The following XKR5 variants were observed in gnomAD, a reference collection of about 807,000 sequenced individuals.
The protein encoded by XKR5 is XK related 5.
In XKR5, 46 loss-of-function variants were observed where a neutral mutation model predicts 40.8. The ratio of observed to expected loss-of-function variants is 1.13; its 90% confidence interval spans 0.89 to 1.44. XKR5 has a LOEUF of 1.44. XKR5 is among the 40% of genes most tolerant of loss of function. The probability of loss-of-function intolerance (pLI) is 0.00; values close to 1 mark genes in which losing one functional copy is unlikely to be tolerated. For missense variants in XKR5, 1,169 were observed against 844.7 expected (o/e 1.38, Z -4.76); for synonymous variants, 466 against 356.1 (o/e 1.31, Z -3.48).
At chr8:6,819,550 C>T (rs961274034) in intron 5 of XKR5, among the ~76,000 whole-genome samples, 9 of 152,278 alleles carry the variant, frequency 5.9e-5, no homozygotes, top group East Asian at 5.8e-4. Flanking sequence ...CTGAATGGCC[C>T]GTGCCACGGA....
At chr8:6,822,337 A>G (rs1164734347) in intron 4 of XKR5, among the ~76,000 whole-genome samples, 1 of 152,210 alleles carries the variant, frequency 6.6e-6, no homozygotes, top group Non-Finnish European at 1.5e-5. Flanking sequence ...TTTATTCCAG[A>G]AAGTGTTTAA....
chr8:6,835,495 T>C lies in XKR5; in HGVS notation c.-2A>G. ...GAGCCCCAGGAGCCTCGCGTGCATCTTCCGTGCCGACCCCGCAGCCTGCGC... is the reference window on the plus strand; with the variant it reads ...GAGCCCCAGGAGCCTCGCGTGCATCCTCCGTGCCGACCCCGCAGCCTGCGC... On this transcript the variant is annotated 5_prime_UTR_variant, in exon 1 of 7. Coordinates refer to ENST00000618742, the MANE Select transcript of XKR5 (RefSeq NM_207411.5). 6.7e-7 allele frequency: 1 copy of C among 1,499,188 alleles called. No individual in the cohort carries two copies. The highest frequency in any genetic ancestry group is 8.8e-7 in the Non-Finnish European group (1 of 1,130,904). 92.9% of individuals were successfully genotyped at this position (1,499,188 alleles called of 1,614,324 possible).
At chr8:6,834,156 C>A (rs545179647) in intron 1 of XKR5, among the ~76,000 whole-genome samples, 2 of 152,342 alleles carry the variant, frequency 1.3e-5, no homozygotes, top group African/African-American at 2.4e-5. Flanking sequence ...TGAGGCTGAT[C>A]TTGGAGGCGG....
In XKR5 at chr8:6,811,848, A is replaced by AG. The variant is rs1377988982; in HGVS notation, c.1410_1411insC (p.Phe471LeufsTer2). 1 of 1,537,570 alleles carries AG rather than the reference A, an allele frequency of 6.5e-7. No homozygotes were observed. The highest frequency in any genetic ancestry group is 8.7e-7 in the Non-Finnish European group (1 of 1,146,990). On this transcript the variant is annotated frameshift_variant, in exon 7 of 7. Coordinates refer to ENST00000618742, the MANE Select transcript of XKR5 (RefSeq NM_207411.5). LOFTEE classifies it low-confidence loss of function (END_TRUNC). ...GCCTCTGCTTTAGGGACACCTTCAA[A>AG]CGCAGAGCTGTTCTCTAAGGTTGAG... is the stretch of plus-strand genomic sequence containing the variant.
chr8:6,819,681 A>G (rs1804135308), intron 5 of XKR5, among the ~76,000 whole-genome samples: 1 of 152,124 alleles, frequency 6.6e-6, no homozygotes, highest in Non-Finnish European at 1.5e-5. Flanking sequence ...CTTCAGTTTC[A>G]TGGTTGCAGC....
chr8:6,834,122 T>C (rs960560294), intron 1 of XKR5, among the ~76,000 whole-genome samples: 3 of 152,166 alleles, frequency 2.0e-5, no homozygotes, highest in Middle Eastern at 3.2e-3. Context: ...CCAATACTCC[T>C]AGCACGGCCT....
At position 6,812,185 on chromosome 8, in the gene XKR5, G is replaced by A. The variant is rs954010654; in HGVS notation, c.1074C>T (p.Thr358=). 8.4e-6 allele frequency: 13 copies of A among 1,551,656 alleles called. No individual in the cohort carries two copies. The highest frequency in any genetic ancestry group is 1.7e-4 in the Middle Eastern group (1 of 6,016). The change falls in exon 7 of 7, where the codon ACC becomes ACT. Residue 358 remains threonine, a synonymous_variant. Transcript: ENST00000618742. Reference sequence around the variant, plus strand: ...CCCCTTGGCATGAGCCTGAGCTCTCGGTTCTCTTCCCAGCTAGATCTGTGG... The same window carrying A: ...CCCCTTGGCATGAGCCTGAGCTCTCAGTTCTCTTCCCAGCTAGATCTGTGG... ...PRATDLAGKR[T]ESSGSCQGAS... is the part of the protein sequence containing the mutation.
At position 6,825,761 on chromosome 8, in the gene XKR5, T is replaced by C. The variant is rs1300783275; in HGVS notation, c.243-412A>G. On this transcript the variant is annotated intron_variant, in intron 2 of 6. Transcript: ENST00000618742. The stretch of plus-strand genomic sequence containing the variant: ...TGTTGCAAGGTACTGTGTGTTATCA[T>C]CTCTTTGAAGGACAAAAAGTAGAAA... Among the ~76,000 whole-genome samples the C allele has an allele frequency of 2.0e-5, 3 of 152,112 alleles. No individual in the cohort carries two copies. In the East Asian group the frequency reaches 5.8e-4, roughly 29 times the overall value.
chr8:6,829,168 C>T (rs997317469), intron 2 of XKR5: 1 of 168,368 alleles, frequency 5.9e-6, no homozygotes, highest in Non-Finnish European at 1.5e-5. Flanking sequence ...GTCTTACATA[C>T]CTTTAGAGTT....
chr8:6,812,508 G>C (rs1300346181), intron 6 of XKR5, among the ~76,000 whole-genome samples, 169 bp from the exon 7 acceptor site: 1 of 152,224 alleles, frequency 6.6e-6, no homozygotes, highest in East Asian at 1.9e-4. Flanking sequence ...AATTTAAGTA[G>C]GTTCCAGCTT....
chr8:6,814,044 A>G (rs1054343694), intron 6 of XKR5, among the ~76,000 whole-genome samples: 12 of 152,184 alleles, frequency 7.9e-5, no homozygotes, highest in African/African-American at 1.9e-4. Context: ...CATTCCAAGT[A>G]TCACATGGCC....
At position 6,812,180 on chromosome 8, in the gene XKR5, C is replaced by G. The variant is rs1240732881; in HGVS notation, c.1079G>C (p.Ser360Thr). ...ATDLAGKRTE[S>T]SGSCQGASYE... ...ACTTGCCCCTTGGCATGAGCCTGAGCTCTCGGTTCTCTTCCCAGCTAGATC... is the reference window on the plus strand; with the variant it reads ...ACTTGCCCCTTGGCATGAGCCTGAGGTCTCGGTTCTCTTCCCAGCTAGATC... Residue 360 changes from serine (S) to threonine (T), a missense_variant, in exon 7 of 7, where the codon AGC (serine) becomes ACC (threonine). Physicochemically the swap from Ser to Thr is moderately conservative, Grantham distance 58. Transcript: ENST00000618742. 3 of 1,551,788 alleles carry G rather than the reference C, an allele frequency of 1.9e-6. No homozygotes were observed. The Admixed American group carries it at 5.9e-5, about 30-fold the overall frequency.
chr8:6,821,726 G>T, intron 5 of XKR5, 143 bp downstream of exon 5: 2 of 672,706 alleles, frequency 3.0e-6, no homozygotes, highest in African/African-American at 1.9e-5. Context: ...ATTTCTTTAA[G>T]AATTTTTCTT....
chr8:6,832,669 G>T, intron 2 of XKR5, 48 bp downstream of exon 2: 2 of 1,601,106 alleles, frequency 1.2e-6, no homozygotes, highest in South Asian at 2.2e-5. Context: ...TCCTCTCACT[G>T]CACTTGTGCA....
At position 6,823,631 on chromosome 8, in the gene XKR5, C is replaced by G. The variant is rs1271854859; in HGVS notation, c.527G>C (p.Trp176Ser). ...FMKPGHLAMP[W>S]AALFCQQLWR... ...GAGCTGCTGGCAGAAGAGGGCGGCC[C>G]ATGGCATGGCCAGGTGGCCTGGCTT... The change falls in exon 4 of 7, where the codon TGG becomes TCG. Residue 176 changes from tryptophan (W) to serine (S), a missense_variant. By Grantham distance (177) the Trp-to-Ser change is radical. Coordinates refer to ENST00000618742, the MANE Select transcript of XKR5 (RefSeq NM_207411.5). 2.5e-6 allele frequency: 4 copies of G among 1,593,576 alleles called. 1 individual carries two copies. The highest frequency in any genetic ancestry group is 2.7e-5 in the African/African-American group (2 of 74,646).
intron 2 of XKR5, among the ~76,000 whole-genome samples, chr8:6,829,999 G>A (rs995421073): frequency 8.6e-5 from 13 of 151,806 alleles, no homozygotes; most frequent in African/African-American, 1.9e-4. Context: ...CACCACGCCC[G>A]GCTAATTTTT....
chr8:6,822,155 A>G, intron 4 of XKR5, 117 bp from the exon 5 acceptor site: 5 of 1,003,642 alleles, frequency 5.0e-6, no homozygotes, highest in Non-Finnish European at 7.1e-6. Context: ...AGCATCCAAG[A>G]AGAGATATCA....
Position 6,811,284 on chromosome 8 carries a change from G to A in XKR5, c.1975C>T (p.Leu659Phe), listed in dbSNP as rs367950047. 1 of 1,537,304 alleles carries A rather than the reference G, an allele frequency of 6.5e-7. No homozygotes were observed. The highest frequency in any genetic ancestry group is 2.0e-5 in the Admixed American group (1 of 51,000). ...GACTCAGACTTAGGGGTGGACGTGA[G>A]GCAGGGCTCATGGGCAGTCCTCAGC... is the stretch of plus-strand genomic sequence containing the variant. ...PQLRTAHEPC[L>F]TSTPKSESIQ... is the part of the protein sequence containing the mutation. The change falls in exon 7 of 7, where the codon CTC becomes TTC. Residue 659 changes from leucine (L) to phenylalanine (F), a missense_variant. Physicochemically the swap from Leu to Phe is conservative, Grantham distance 22. Transcript: ENST00000618742.
chr8:6,833,392 C>A lies in XKR5; in HGVS notation c.59-492G>T, dbSNP rs58890986. 8.6e-3 allele frequency among the ~76,000 whole-genome samples: 1,313 copies of A among 152,326 alleles called. 38 individuals carry two copies. The highest frequency in any genetic ancestry group is 0.081 in the East Asian group (420 of 5,180). ...TGTGCCATGTCTCCTGTCCTAGGACCTGTGAGTACAGCAAACTTTGCTTTC... is the reference window on the plus strand; with the variant it reads ...TGTGCCATGTCTCCTGTCCTAGGACATGTGAGTACAGCAAACTTTGCTTTC... On this transcript the variant is annotated intron_variant, in intron 1 of 6. Coordinates refer to ENST00000618742, the MANE Select transcript of XKR5 (RefSeq NM_207411.5).
Sources: allele counts gnomAD v4.1 joint callset (sites outside exome capture counted in the v4.1 genomes callset), GRCh38; gene constraint gnomAD v4.1.1; transcripts MANE v1.5; gene names NCBI Gene and HGNC (gene_info 2026-07-23, HGNC 2026-07-21).